Variants in COL5A2 observed in about 807,000 individuals in gnomAD.
The protein encoded by COL5A2 is collagen type V alpha 2 chain, also known as collagen alpha-2(V) chain.
Under a neutral mutation model 208.2 loss-of-function variants are expected in COL5A2, and 23 were observed. The observed-to-expected ratio is 0.11, with a 90% CI of 0.08 to 0.16. COL5A2 has a LOEUF of 0.16. Ranked by LOEUF, COL5A2 falls within the 10% of genes least tolerant of loss-of-function variation. The probability of loss-of-function intolerance (pLI) is 1.00; values close to 1 mark genes in which losing one functional copy is unlikely to be tolerated. For missense variants in COL5A2, 1,590 were observed against 1,956.4 expected (o/e 0.81, Z 3.53); for synonymous variants, 625 against 628.5 (o/e 0.99, Z 0.08).
chr2:189,303,198 G>A, the COL5A2 span, among the ~76,000 whole-genome samples: 2 of 152,262 alleles, frequency 1.3e-5, no homozygotes, highest in African/African-American at 4.8e-5. Flanking sequence ...GAAACCAACT[G>A]ACAACAATTG....
intron 1 of COL5A2, among the ~76,000 whole-genome samples, chr2:189,127,313 A>T (rs1013322411): frequency 6.6e-6 from 1 of 152,016 alleles, no homozygotes; most frequent in African/African-American, 2.4e-5. Context: ...CTTTGGCTTC[A>T]TCTTCAGAGT....
At chr2:189,229,426 A>G (rs1384449258), upstream of COL5A2, among the ~76,000 whole-genome samples, 1 of 95,530 alleles carries the variant, frequency 1.0e-5, no homozygotes, top group Non-Finnish European at 2.2e-5. Flanking sequence ...GCACACACAC[A>G]TACATACACA....
chr2:189,184,807 C>G (rs768647153), upstream of COL5A2, among the ~76,000 whole-genome samples: 12 of 152,064 alleles, frequency 7.9e-5, no homozygotes, highest in Non-Finnish European at 1.2e-4. Context: ...GTGAGTGCAT[C>G]TTTGGGGGCT....
chr2:189,347,900 G>C, the COL5A2 span, among the ~76,000 whole-genome samples: 1 of 152,146 alleles, frequency 6.6e-6, no homozygotes, highest in African/African-American at 2.4e-5. Flanking sequence ...TTCACATCCT[G>C]TTTTTCCTTT....
At chr2:189,277,814 C>CA in the COL5A2 span, among the ~76,000 whole-genome samples, 1 of 151,970 alleles carries the variant, frequency 6.6e-6, no homozygotes, top group East Asian at 1.9e-4. Flanking sequence ...ATACACTGGG[C>CA]AAAACAGTGA....
chr2:189,405,396 T>A, the COL5A2 span, among the ~76,000 whole-genome samples: 16 of 152,106 alleles, frequency 1.1e-4, no homozygotes, highest in South Asian at 2.7e-3. Context: ...GACACCCGGC[T>A]AATTTTTGTA....
intron 16 of COL5A2, 123 bp from the exon 17 acceptor site, chr2:189,075,560 A>C (rs1686386290): frequency 1.4e-6 from 1 of 720,110 alleles, no homozygotes; most frequent in Non-Finnish European, 2.5e-6. Context: ...GTTAACTGAC[A>C]ATAACCCTCA....
intron 44 of COL5A2, among the ~76,000 whole-genome samples, chr2:189,048,516 T>C (rs1187741844): frequency 6.6e-6 from 1 of 152,234 alleles, no homozygotes; most frequent in Admixed American, 6.5e-5. Flanking sequence ...AACCCACAAA[T>C]ATTTTGAAAT....
rs111247472 is a variant in COL5A2 at position 189,051,178 on chromosome 2, C to T, written c.2931+142G>A. On this transcript the variant is annotated intron_variant, in intron 42 of 53. Transcript: ENST00000374866. ...ATATATATACACGTTTTTCCTAAAG[C>T]CTTATAGATTTAATGCACTTTAAAA... 1.9e-4 allele frequency: 180 copies of T among 945,242 alleles called. 3 individuals are homozygous for T. The African/African-American group carries it at 2.3e-3, about 12-fold the overall frequency. 58.6% of individuals were successfully genotyped at this position (945,242 alleles called of 1,614,324 possible).
intron 1 of COL5A2, among the ~76,000 whole-genome samples, chr2:189,142,329 A>G (rs746501029): frequency 1.3e-5 from 2 of 152,010 alleles, no homozygotes; most frequent in African/African-American, 2.4e-5. Flanking sequence ...CATAGATTAT[A>G]TTTTCCATAC....
chr2:189,310,267 A>G, the COL5A2 span, among the ~76,000 whole-genome samples: 1 of 152,234 alleles, frequency 6.6e-6, no homozygotes, highest in African/African-American at 2.4e-5. Flanking sequence ...AGATTTGAAT[A>G]GATGTTTCTC....
the COL5A2 span, among the ~76,000 whole-genome samples, chr2:189,287,079 C>A: frequency 6.6e-6 from 1 of 151,656 alleles, no homozygotes; most frequent in African/African-American, 2.4e-5. Context: ...CAGTTGCATC[C>A]CTGAGAAGCC....
the COL5A2 span, among the ~76,000 whole-genome samples, chr2:189,243,517 G>A: frequency 7.7e-3 from 1,177 of 152,154 alleles, 23 homozygotes; most frequent in African/African-American, 0.026. Flanking sequence ...ACTATTATGA[G>A]AACAACATGG....
At chr2:189,142,915 G>A (rs929480604) in intron 1 of COL5A2, among the ~76,000 whole-genome samples, 8 of 151,656 alleles carry the variant, frequency 5.3e-5, no homozygotes, top group South Asian at 2.1e-4. Flanking sequence ...ACTATTCTCT[G>A]GGCTATTCAT....
rs1687327840 is a variant in COL5A2, at chr2:189,113,625, T to G, written c.98-3176A>C. The stretch of plus-strand genomic sequence containing the variant: ...TAATTAACTTATTATATAATTTTAA[T>G]TATATAATATATGTTTGTTTATTGT... On this transcript the variant is annotated intron_variant, in intron 1 of 53. Transcript: ENST00000374866. Among the ~76,000 whole-genome samples the G allele has an allele frequency of 5.4e-5, 8 of 148,906 alleles. No homozygotes were observed. The Admixed American group carries it at 5.4e-4, about 10-fold the overall frequency.
At chr2:189,291,630 C>G in the COL5A2 span, among the ~76,000 whole-genome samples, 2 of 151,952 alleles carry the variant, frequency 1.3e-5, no homozygotes, top group Admixed American at 6.6e-5. Context: ...TCAGACATAC[C>G]ATACAACATG....
the COL5A2 span, among the ~76,000 whole-genome samples, chr2:189,281,019 T>G: frequency 1.3e-5 from 2 of 152,038 alleles, no homozygotes; most frequent in Non-Finnish European, 2.9e-5. Flanking sequence ...ATACATTATT[T>G]TTCTTATGTA....
intron 1 of COL5A2, among the ~76,000 whole-genome samples, chr2:189,219,124 G>A (rs1689316507): frequency 6.6e-6 from 1 of 152,180 alleles, no homozygotes; most frequent in Non-Finnish European, 1.5e-5. Context: ...AACAAAGCTA[G>A]TGCACACACA....
chr2:189,055,951 G>T (rs1283763340), intron 35 of COL5A2, among the ~76,000 whole-genome samples: 1 of 152,134 alleles, frequency 6.6e-6, no homozygotes, highest in East Asian at 1.9e-4. Context: ...AGATTTACTT[G>T]ACTATTTTTG....
Sources: gnomAD v4.1 joint callset for allele counts (sites outside exome capture counted in the v4.1 genomes callset) on GRCh38, gnomAD v4.1.1 for gene constraint, MANE v1.5 for transcripts, NCBI Gene and HGNC (gene_info 2026-07-23, HGNC 2026-07-21) for gene names.